The following STPG2 variants were observed in gnomAD, a reference collection of about 807,000 sequenced individuals.
STPG2 encodes the protein sperm-tail PG-rich repeat-containing protein 2.
A neutral mutation model predicts 54.2 loss-of-function variants in STPG2; 56 were observed. The observed-to-expected ratio is 1.03, with a 90% confidence interval of 0.83 to 1.29. The LOEUF (loss-of-function observed/expected upper bound fraction) is 1.29, where lower values mean the gene tolerates loss of function less well. Among genes scored for constraint, STPG2 ranks in the 50% most tolerant of loss-of-function variants. The pLI is 0.00. For missense variants in STPG2, 596 were observed against 544.9 expected, an observed-to-expected ratio of 1.09 and a Z score of -0.93; for synonymous variants, 200 against 181.8, an observed-to-expected ratio of 1.10 and a Z score of -0.81.
rs1315460031 is a variant in STPG2, at chr4:97,616,048, ATACATATAAATAT to A, written c.1321-56944_1321-56932del. Reference sequence around the variant, plus strand: ...CAAGACTCTGTCTCAAAAAAAAAAAATACATATAAATATATATATATATATATATATATATATA... The same window carrying A: ...CAAGACTCTGTCTCAAAAAAAAAAAAATATATATATATATATATATATATA... On this transcript the variant is annotated intron_variant, in intron 10 of 10. Transcript: ENST00000295268. Among the ~76,000 whole-genome samples, 494 of 91,870 alleles carry A rather than the reference ATACATATAAATAT, an allele frequency of 5.4e-3. 15 individuals carry two copies. The highest frequency in any genetic ancestry group is 0.02 in the African/African-American group (471 of 24,090). The allele number at this position is 91,870 out of a possible 152,430, so 60.3% of individuals were successfully genotyped here.
intron 4 of STPG2, among the ~76,000 whole-genome samples, chr4:97,537,450 G>GCAC (rs1250879199): frequency 1.3e-5 from 2 of 152,200 alleles, no homozygotes; most frequent in Non-Finnish European, 2.9e-5. Context: ...CTTGTTGCTA[G>GCAC]CACAGCAGTC....
intron 8 of STPG2, among the ~76,000 whole-genome samples, chr4:97,880,115 G>C (rs986500051): frequency 6.6e-6 from 1 of 152,098 alleles, no homozygotes; most frequent in African/African-American, 2.4e-5. Context: ...ATACCGTACA[G>C]CCTTCTAAAA....
intron 4 of STPG2, among the ~76,000 whole-genome samples, chr4:97,473,503 G>C (rs569396164): frequency 2.8e-4 from 43 of 152,134 alleles, no homozygotes; most frequent in African/African-American, 1.0e-3. Flanking sequence ...TGGTCAGACC[G>C]GTTGCTCTCA....
intron 8 of STPG2, among the ~76,000 whole-genome samples, chr4:97,883,170 T>C (rs975426934): frequency 4.0e-5 from 6 of 150,880 alleles, no homozygotes; most frequent in Non-Finnish European, 5.9e-5. Context: ...TATATATATA[T>C]ACACATATAT....
intron 10 of STPG2, among the ~76,000 whole-genome samples, chr4:97,692,574 T>A (rs916798252): frequency 6.6e-6 from 1 of 152,116 alleles, no homozygotes; most frequent in Non-Finnish European, 1.5e-5. Flanking sequence ...TAACAATAAT[T>A]GGTATTCCCG....
At chr4:98,126,827 A>G (rs1435718200) in intron 3 of STPG2, among the ~76,000 whole-genome samples, 1 of 152,152 alleles carries the variant, frequency 6.6e-6, no homozygotes, top group African/African-American at 2.4e-5. Context: ...GGGAGAAAAA[A>G]TGATACAACA....
At chr4:97,822,168 A>G (rs937894567) in intron 9 of STPG2, among the ~76,000 whole-genome samples, 2 of 152,230 alleles carry the variant, frequency 1.3e-5, no homozygotes, top group African/African-American at 4.8e-5. Context: ...AGAAGCAAAC[A>G]GGCCATTTCT....
intron 4 of STPG2, among the ~76,000 whole-genome samples, chr4:97,448,640 C>A (rs1729287184): frequency 6.6e-6 from 1 of 152,172 alleles, no homozygotes; most frequent in Admixed American, 6.5e-5. Context: ...GAGACCTCCC[C>A]AGTCATGTGA....
At chr4:97,929,340 C>T (rs1732452765) in intron 8 of STPG2, among the ~76,000 whole-genome samples, 2 of 152,158 alleles carry the variant, frequency 1.3e-5, no homozygotes, top group African/African-American at 4.8e-5. Context: ...TAAGCATTTG[C>T]ATGCATGTGT....
intron 7 of STPG2, among the ~76,000 whole-genome samples, chr4:97,955,213 ATTT>A (rs140086064): frequency 9.5e-5 from 13 of 137,364 alleles, no homozygotes; most frequent in Admixed American, 2.2e-4. Flanking sequence ...ATACAGAAGA[ATTT>A]TTTTTTTTTT....
chr4:98,039,688 A>ATATATATATC (rs368921046), intron 5 of STPG2, among the ~76,000 whole-genome samples: 4 of 56,574 alleles, frequency 7.1e-5, no homozygotes, highest in Non-Finnish European at 1.2e-4. Flanking sequence ...TGATACATAT[A>ATATATATATC]TATATATATA....
chr4:97,773,502 G>T (rs527913060), intron 9 of STPG2, among the ~76,000 whole-genome samples: 1 of 151,960 alleles, frequency 6.6e-6, no homozygotes, highest in South Asian at 2.1e-4. Flanking sequence ...TTAACAGCTG[G>T]AATCTCACTA....
chr4:97,556,165 G>A (rs759928115), downstream of STPG2, among the ~76,000 whole-genome samples: 6 of 152,008 alleles, frequency 3.9e-5, no homozygotes, highest in South Asian at 6.2e-4. Flanking sequence ...ACATACATTC[G>A]CAGGAATAAA....
chr4:97,946,478 G>A (rs964846219), intron 7 of STPG2, among the ~76,000 whole-genome samples: 1 of 152,136 alleles, frequency 6.6e-6, no homozygotes, highest in African/African-American at 2.4e-5. Flanking sequence ...CTAAGCCAAT[G>A]TCCAGAAGAG....
At chr4:97,678,582 A>G (rs1285114067) in intron 10 of STPG2, among the ~76,000 whole-genome samples, 2 of 151,880 alleles carry the variant, frequency 1.3e-5, no homozygotes, top group Non-Finnish European at 2.9e-5. Flanking sequence ...TATCATGCCC[A>G]TTTTATTTAT....
chr4:98,025,286 G>A (rs867612440), intron 5 of STPG2: 8 of 183,748 alleles, frequency 4.4e-5, no homozygotes, highest in South Asian at 1.2e-4. Flanking sequence ...GAGTTGTTTC[G>A]TTGTTGTGTA....
At chr4:97,856,993 T>C (rs1366499424) in intron 8 of STPG2, among the ~76,000 whole-genome samples, 3 of 152,194 alleles carry the variant, frequency 2.0e-5, no homozygotes, top group Non-Finnish European at 4.4e-5. Context: ...AAATCCTGCA[T>C]CCCAGAAATG....
chr4:97,749,449 T>C (rs1321304999), intron 9 of STPG2, among the ~76,000 whole-genome samples: 1 of 151,744 alleles, frequency 6.6e-6, no homozygotes, highest in Non-Finnish European at 1.5e-5. Context: ...AATAGCAAGA[T>C]AGTAAGAACT....
intron 8 of STPG2, among the ~76,000 whole-genome samples, chr4:97,922,450 T>G (rs1485400352): frequency 6.6e-6 from 1 of 152,206 alleles, no homozygotes. Context: ...GTTAAAAACT[T>G]GTGTCTCCTC....
Sources: allele counts gnomAD v4.1 joint callset (sites outside exome capture counted in the v4.1 genomes callset), GRCh38; gene constraint gnomAD v4.1.1; transcripts MANE v1.5; gene names NCBI Gene and HGNC (gene_info 2026-07-23, HGNC 2026-07-21).